The following RABGEF1 variants were observed in gnomAD, a reference collection of about 807,000 sequenced individuals.
RABGEF1 encodes RAB guanine nucleotide exchange factor 1.
Under a neutral mutation model 57.3 loss-of-function variants are expected in RABGEF1, and 26 were observed. The ratio of observed to expected loss-of-function variants is 0.45; its 90% CI spans 0.33 to 0.63. RABGEF1 has a LOEUF of 0.63. RABGEF1 is among the 20% of genes least tolerant of loss of function. The pLI is 0.02. For missense variants in RABGEF1, 464 were observed against 607.6 expected (o/e 0.76, Z 2.48); for synonymous variants, 185 against 210.7 (o/e 0.88, Z 1.06).
chr7:66,764,834 G>T (rs1215477283), intron 1 of RABGEF1, among the ~76,000 whole-genome samples: 1 of 152,166 alleles, frequency 6.6e-6, no homozygotes, highest in Non-Finnish European at 1.5e-5. Flanking sequence ...CTTTCCTTGT[G>T]CCAGTACCGC....
the RABGEF1 span, among the ~76,000 whole-genome samples, chr7:66,671,421 C>T: frequency 4.6e-5 from 7 of 152,126 alleles, no homozygotes; most frequent in Admixed American, 4.6e-4. Context: ...GGGGGGTAGT[C>T]TAAAACAACA....
At chr7:66,760,090 C>G (rs1803884167) in intron 1 of RABGEF1, among the ~76,000 whole-genome samples, 2 of 152,182 alleles carry the variant, frequency 1.3e-5, no homozygotes, top group South Asian at 4.1e-4. Context: ...CCAGTCTAAC[C>G]CAGCTGACCA....
At chr7:66,655,096 C>T in the RABGEF1 span, among the ~76,000 whole-genome samples, 5 of 152,200 alleles carry the variant, frequency 3.3e-5, no homozygotes, top group Admixed American at 6.5e-5. Context: ...AGCTCTTGGC[C>T]GCGACAGGGG....
At chr7:66,728,324 G>T (rs1254521976) in intron 2 of RABGEF1, among the ~76,000 whole-genome samples, 1 of 152,152 alleles carries the variant, frequency 6.6e-6, no homozygotes, top group Non-Finnish European at 1.5e-5. Context: ...AGAGCCAGAT[G>T]CTCTTCAGGG....
At chr7:66,802,048 C>T (rs991941445) in intron 7 of RABGEF1, among the ~76,000 whole-genome samples, 1 of 152,120 alleles carries the variant, frequency 6.6e-6, no homozygotes, top group Non-Finnish European at 1.5e-5. Context: ...TAGCTGAGAC[C>T]ACAGGCACGT....
chr7:66,695,710 A>G (rs1421521991), intron 1 of RABGEF1, among the ~76,000 whole-genome samples: 1 of 152,138 alleles, frequency 6.6e-6, no homozygotes, highest in African/African-American at 2.4e-5. Context: ...TCACATCTGT[A>G]ATCCTAGCAC....
chr7:66,671,213 C>T, the RABGEF1 span, among the ~76,000 whole-genome samples: 5 of 151,976 alleles, frequency 3.3e-5, no homozygotes, highest in Admixed American at 2.6e-4. Context: ...TATGTTGCCC[C>T]GGGTGGAATG....
chr7:66,667,016 C>T, the RABGEF1 span, among the ~76,000 whole-genome samples: 3 of 152,194 alleles, frequency 2.0e-5, no homozygotes, highest in African/African-American at 7.2e-5. Context: ...ATCATATGTC[C>T]ACTCCAGACA....
At chr7:66,730,560 T>TC (rs1036924911) in intron 2 of RABGEF1, among the ~76,000 whole-genome samples, 9 of 147,010 alleles carry the variant, frequency 6.1e-5, no homozygotes, top group Admixed American at 1.3e-4. Context: ...TCTTTTTCTT[T>TC]TTTTTTTTTT....
intron 2 of RABGEF1, among the ~76,000 whole-genome samples, chr7:66,734,539 G>T (rs182941653): frequency 1.3e-5 from 2 of 150,986 alleles, no homozygotes; most frequent in African/African-American, 4.9e-5. Flanking sequence ...CAAGTGATCC[G>T]CCCATGTTGG....
the RABGEF1 span, among the ~76,000 whole-genome samples, chr7:66,661,421 C>G: frequency 6.6e-6 from 1 of 151,490 alleles, no homozygotes; most frequent in Non-Finnish European, 1.5e-5. Flanking sequence ...TGGCAAATCT[C>G]TAGAAACACA....
rs929196585 is a variant in RABGEF1, at chr7:66,775,076, T to G, written c.180-151T>G. The G allele has an allele frequency of 1.3e-5, 10 of 798,720 alleles. No homozygotes were observed. The Admixed American group carries it at 3.0e-4, about 24-fold the overall frequency. The allele number at this position is 798,720 out of a possible 1,614,324, so 49.5% of individuals were successfully genotyped here. On this transcript the variant is annotated intron_variant, in intron 2 of 8. Transcript: ENST00000284957. Reference sequence around the variant, plus strand: ...GTAGTGCATGAAGAGCCGTCCATCCTGTAGCAATGTGAGACCTCAGACTGA... The same window carrying G: ...GTAGTGCATGAAGAGCCGTCCATCCGGTAGCAATGTGAGACCTCAGACTGA...
intron 1 of RABGEF1, among the ~76,000 whole-genome samples, chr7:66,684,084 G>A (rs1790211261): frequency 1.3e-5 from 2 of 152,190 alleles, no homozygotes; most frequent in African/African-American, 2.4e-5. Flanking sequence ...AGATACAGGA[G>A]CTTAGGCTTT....
chr7:66,783,204 A>G (rs759079266), intron 3 of RABGEF1, among the ~76,000 whole-genome samples: 4 of 152,218 alleles, frequency 2.6e-5, no homozygotes, highest in Non-Finnish European at 5.9e-5. Context: ...CCACATAAAC[A>G]CATTAACCTT....
At chr7:66,677,511 C>T (rs1789359887), upstream of RABGEF1, among the ~76,000 whole-genome samples, 1 of 152,002 alleles carries the variant, frequency 6.6e-6, no homozygotes, top group Non-Finnish European at 1.5e-5. Flanking sequence ...GCCTGTAATC[C>T]CAGCACTTTG....
intron 1 of RABGEF1, among the ~76,000 whole-genome samples, chr7:66,760,500 A>G (rs1562802197): frequency 6.7e-6 from 1 of 150,080 alleles, no homozygotes; most frequent in Non-Finnish European, 1.5e-5. Context: ...CTGGAGTGCA[A>G]TGGCACGGCC....
chr7:66,688,637 A>C (rs1791070044), intron 1 of RABGEF1, among the ~76,000 whole-genome samples: 1 of 152,250 alleles, frequency 6.6e-6, no homozygotes, highest in Non-Finnish European at 1.5e-5. Context: ...AATATATGGA[A>C]AGTAAACACA....
At chr7:66,655,124 C>G in the RABGEF1 span, among the ~76,000 whole-genome samples, 1 of 152,226 alleles carries the variant, frequency 6.6e-6, no homozygotes, top group Non-Finnish European at 1.5e-5. Flanking sequence ...ACTTGATCCC[C>G]CGTCGCCCTG....
the RABGEF1 span, among the ~76,000 whole-genome samples, chr7:66,664,835 C>T: frequency 1.3e-5 from 2 of 152,228 alleles, no homozygotes; most frequent in African/African-American, 4.8e-5. Flanking sequence ...ACAGTACTGA[C>T]CTCTTCGGGG....
Sources: gnomAD v4.1 joint callset for allele counts (sites outside exome capture counted in the v4.1 genomes callset) on GRCh38, gnomAD v4.1.1 for gene constraint, MANE v1.5 for transcripts, NCBI Gene and HGNC (gene_info 2026-07-23, HGNC 2026-07-21) for gene names.